HTR1F: variants seen among roughly 807,000 people sequenced by gnomAD.
The protein encoded by HTR1F is 5-hydroxytryptamine (serotonin) receptor 1F, G protein-coupled.
HTR1F carries 17 observed loss-of-function variants against 24.0 expected under a neutral mutation model. That is an observed-to-expected ratio of 0.71 (90% CI 0.48 to 1.06). The LOEUF is 1.06. Ranked by LOEUF, HTR1F falls within the 50% of genes least tolerant of loss-of-function variation. The probability of loss-of-function intolerance (pLI) is 0.00; values close to 1 mark genes in which losing one functional copy is unlikely to be tolerated. For synonymous variants in HTR1F, 186 were observed against 156.8 expected (o/e 1.19, Z -1.39); for missense variants, 391 against 427.8 (o/e 0.91, Z 0.76).
intron 1 of HTR1F, among the ~76,000 whole-genome samples, chr3:87,805,646 T>C (rs1258041113): frequency 6.6e-6 from 1 of 152,068 alleles, no homozygotes; most frequent in Admixed American, 6.6e-5. Context: ...ACATTTCAAA[T>C]TCTTCTAACT....
At chr3:87,903,695 A>T (rs1703580948) in intron 2 of HTR1F, among the ~76,000 whole-genome samples, 1 of 152,018 alleles carries the variant, frequency 6.6e-6, no homozygotes, top group Non-Finnish European at 1.5e-5. Context: ...AACTAGTTCA[A>T]CCCTTGTGGA....
intron 2 of HTR1F, among the ~76,000 whole-genome samples, chr3:87,839,307 C>T (rs1056133578): frequency 1.3e-5 from 2 of 152,090 alleles, no homozygotes; most frequent in African/African-American, 4.8e-5. Context: ...AGTTTTACCA[C>T]CACCATCTAC....
Position 87,792,751 on chromosome 3 carries a change from C to T in HTR1F, c.-251C>T, listed in dbSNP as rs1023562934. ...GAAAGCTGGCGACAGGCGCTGCTGT[C>T]TTCCCGCCCCGTGGGGTCGCCCCTG... On this transcript the variant is annotated 5_prime_UTR_variant, in exon 1 of 3. Transcript: ENST00000319595. 6.6e-5 allele frequency among the ~76,000 whole-genome samples: 10 copies of T among 152,204 alleles called. No homozygotes were observed.
At chr3:87,925,692 G>C (rs1559634264) in intron 2 of HTR1F, among the ~76,000 whole-genome samples, 1 of 152,102 alleles carries the variant, frequency 6.6e-6, no homozygotes, top group Admixed American at 6.6e-5. Flanking sequence ...GCAGCCACTT[G>C]GACTCCAGGG....
rs1384462743 is a variant in HTR1F, at chr3:87,792,760, C to A, written c.-242C>A. ...CGACAGGCGCTGCTGTCTTCCCGCC[C>A]CGTGGGGTCGCCCCTGCCCTCCCGC... On this transcript the variant is annotated 5_prime_UTR_variant, in exon 1 of 3. Coordinates refer to ENST00000319595, the MANE Select transcript of HTR1F (RefSeq NM_001322209.2). Among the ~76,000 whole-genome samples the A allele has an allele frequency of 2.0e-5, 3 of 152,206 alleles. No homozygotes were observed. Among genetic ancestry groups the A allele is most frequent in the African/African-American group, 7.2e-5 (3 of 41,464 alleles).
At chr3:87,899,157 T>C (rs1457838445) in intron 2 of HTR1F, among the ~76,000 whole-genome samples, 2 of 152,312 alleles carry the variant, frequency 1.3e-5, no homozygotes, top group Middle Eastern at 3.4e-3. Flanking sequence ...GTAAATACTG[T>C]CCTTTGACAA....
chr3:87,934,442 C>T (rs1286187602), intron 2 of HTR1F, among the ~76,000 whole-genome samples: 4 of 152,124 alleles, frequency 2.6e-5, no homozygotes, highest in Non-Finnish European at 5.9e-5. Context: ...GTAAAAAGAA[C>T]CAGAAGTGCT....
chr3:87,883,030 T>G (rs1279915842), intron 2 of HTR1F, among the ~76,000 whole-genome samples: 10 of 152,084 alleles, frequency 6.6e-5, no homozygotes, highest in Non-Finnish European at 1.5e-4. Flanking sequence ...GTAGCCTAAC[T>G]GGGAGACACA....
intron 2 of HTR1F, among the ~76,000 whole-genome samples, chr3:87,869,454 T>TGATAGATA (rs4038036): frequency 1.4e-3 from 174 of 124,834 alleles, no homozygotes; most frequent in Middle Eastern, 4.2e-3. Context: ...GATAGATAGA[T>TGATAGATA]GATAGATAGA....
intron 2 of HTR1F, among the ~76,000 whole-genome samples, chr3:87,859,426 C>T (rs768694344): frequency 2.8e-4 from 43 of 152,232 alleles, no homozygotes; most frequent in Middle Eastern, 3.4e-3. Flanking sequence ...GAATGAGGTA[C>T]TAATAGAATG....
At chr3:87,816,337 T>C (rs73143315) in intron 1 of HTR1F, among the ~76,000 whole-genome samples, 7,742 of 152,184 alleles carry the variant, frequency 0.051, 244 homozygotes, top group Middle Eastern at 0.092. Context: ...TTAAGCATTC[T>C]TTCTGTGTTT....
intron 2 of HTR1F, among the ~76,000 whole-genome samples, chr3:87,895,094 G>A (rs150698272): frequency 6.6e-6 from 1 of 152,136 alleles, no homozygotes; most frequent in African/African-American, 2.4e-5. Context: ...TCAGACAGGG[G>A]TGATGAAAAG....
At chr3:87,813,402 G>A (rs1704193340) in intron 1 of HTR1F, among the ~76,000 whole-genome samples, 1 of 152,196 alleles carries the variant, frequency 6.6e-6, no homozygotes, top group Non-Finnish European at 1.5e-5. Context: ...TCCAATGCCT[G>A]TATCCCCATT....
chr3:87,905,708 G>A (rs893439640), intron 2 of HTR1F, among the ~76,000 whole-genome samples: 1 of 148,926 alleles, frequency 6.7e-6, no homozygotes, highest in African/African-American at 2.5e-5. Flanking sequence ...ACTCAAAGGT[G>A]TAACCTTCTC....
At chr3:87,974,206 C>T (rs531961750) in intron 2 of HTR1F, among the ~76,000 whole-genome samples, 28 of 152,334 alleles carry the variant, frequency 1.8e-4, no homozygotes, top group Admixed American at 3.9e-4. Context: ...GAATTTGTGG[C>T]CTCAAGTAGA....
intron 1 of HTR1F, among the ~76,000 whole-genome samples, chr3:87,799,056 G>A (rs1703953292): frequency 2.0e-5 from 3 of 152,094 alleles, no homozygotes; most frequent in African/African-American, 7.2e-5. Flanking sequence ...TTCTCCCCAA[G>A]GGAAAAATGC....
At chr3:87,900,572 A>C (rs887485081) in intron 2 of HTR1F, among the ~76,000 whole-genome samples, 11 of 152,186 alleles carry the variant, frequency 7.2e-5, no homozygotes, top group Admixed American at 7.2e-4. Flanking sequence ...CAGGGGAAAA[A>C]ATGAGCAGAA....
intron 2 of HTR1F, among the ~76,000 whole-genome samples, chr3:87,891,091 T>C (rs904903645): frequency 3.3e-5 from 5 of 152,128 alleles, no homozygotes; most frequent in Non-Finnish European, 7.4e-5. Flanking sequence ...TCCCCCTGCC[T>C]CGGCCTCCCA....
At chr3:87,971,541 A>G (rs1297868186) in intron 2 of HTR1F, among the ~76,000 whole-genome samples, 1 of 152,190 alleles carries the variant, frequency 6.6e-6, no homozygotes, top group Non-Finnish European at 1.5e-5. Context: ...CCTGGGTGAC[A>G]GAATGAGACC....
Sources: allele counts gnomAD v4.1 joint callset (sites outside exome capture counted in the v4.1 genomes callset), GRCh38; gene constraint gnomAD v4.1.1; transcripts MANE v1.5; gene names NCBI Gene and HGNC (gene_info 2026-07-23, HGNC 2026-07-21).